The following GLIS3 variants were observed in gnomAD, a reference collection of about 807,000 sequenced individuals.
GLIS3 encodes the protein zinc finger protein GLIS3.
Under a neutral mutation model 78.6 loss-of-function variants are expected in GLIS3, and 53 were observed. The ratio of observed to expected loss-of-function variants is 0.67; its 90% confidence interval spans 0.54 to 0.85. GLIS3 has a LOEUF of 0.85. GLIS3 is among the 40% of genes least tolerant of loss of function. The pLI is 0.00. For missense variants in GLIS3, 1,703 were observed against 1,231.1 expected, an observed-to-expected ratio of 1.38 and a Z score of -5.74; for synonymous variants, 684 against 509.9, an observed-to-expected ratio of 1.34 and a Z score of -4.60.
intron 4 of GLIS3, among the ~76,000 whole-genome samples, chr9:4,045,237 T>C (rs1825145529): frequency 1.3e-5 from 2 of 152,186 alleles, no homozygotes; most frequent in Admixed American, 6.5e-5. Context: ...GACGGTCCCC[T>C]TGCAAATGAA....
At chr9:4,384,148 T>C in the GLIS3 span, among the ~76,000 whole-genome samples, 11,097 of 152,194 alleles carry the variant, frequency 0.073, 1,282 homozygotes, top group African/African-American at 0.25. Context: ...ACACAGATCG[T>C]GCCAATGAGG....
At chr9:3,978,481 A>G (rs1045556402) in intron 4 of GLIS3, among the ~76,000 whole-genome samples, 38 of 152,250 alleles carry the variant, frequency 2.5e-4, no homozygotes, top group African/African-American at 7.9e-4. Flanking sequence ...ATTATTTTCC[A>G]TATCAATAAA....
chr9:3,936,440 G>A (rs1319467967), intron 5 of GLIS3, among the ~76,000 whole-genome samples: 4 of 152,168 alleles, frequency 2.6e-5, no homozygotes, highest in Admixed American at 6.5e-5. Context: ...ATATGTGGCT[G>A]CTAACAGATA....
intron 2 of GLIS3, among the ~76,000 whole-genome samples, chr9:4,169,480 G>A (rs956140819): frequency 1.3e-5 from 2 of 152,156 alleles, no homozygotes; most frequent in African/African-American, 2.4e-5. Flanking sequence ...TTAATGTGCC[G>A]TGTGGCTTTA....
At chr9:3,914,358 G>A (rs1386138598) in intron 6 of GLIS3, among the ~76,000 whole-genome samples, 2 of 142,164 alleles carry the variant, frequency 1.4e-5, no homozygotes, top group African/African-American at 5.3e-5. Context: ...GCAGAGGCAA[G>A]ATCTCACTAT....
intron 2 of GLIS3, among the ~76,000 whole-genome samples, chr9:4,218,429 C>A (rs1821043929): frequency 6.6e-6 from 1 of 152,208 alleles, no homozygotes; most frequent in Non-Finnish European, 1.5e-5. Flanking sequence ...CAGGCACCCG[C>A]CACCACACTC....
At chr9:4,109,940 T>C (rs746798156) in intron 4 of GLIS3, among the ~76,000 whole-genome samples, 1 of 152,236 alleles carries the variant, frequency 6.6e-6, no homozygotes, top group Non-Finnish European at 1.5e-5. Flanking sequence ...GCCCAAACTC[T>C]ACAGGCATAC....
At chr9:4,148,366 G>A (rs936053426) in intron 2 of GLIS3, among the ~76,000 whole-genome samples, 6 of 151,896 alleles carry the variant, frequency 4.0e-5, no homozygotes, top group South Asian at 2.1e-4. Context: ...ACATCCCCAC[G>A]TCCCCATACT....
chr9:4,389,742 T>C, the GLIS3 span, among the ~76,000 whole-genome samples: 3 of 152,176 alleles, frequency 2.0e-5, no homozygotes, highest in Non-Finnish European at 2.9e-5. Context: ...CATACAGACA[T>C]ACAGGTGCCC....
chr9:4,062,698 C>T (rs57190960), intron 4 of GLIS3, among the ~76,000 whole-genome samples: 2,225 of 152,234 alleles, frequency 0.015, 68 homozygotes, highest in African/African-American at 0.051. Flanking sequence ...GAGGCCGAGG[C>T]GGGCGGATCA....
the GLIS3 span, among the ~76,000 whole-genome samples, chr9:4,363,067 G>C: frequency 6.6e-6 from 1 of 152,114 alleles, no homozygotes; most frequent in East Asian, 1.9e-4. Context: ...GTTCCATTAG[G>C]CCCAAGAGAC....
chr9:3,990,110 C>A (rs1035483123), intron 4 of GLIS3, among the ~76,000 whole-genome samples: 5 of 152,196 alleles, frequency 3.3e-5, no homozygotes, highest in Admixed American at 2.6e-4. Flanking sequence ...GGAAATATTA[C>A]TACCACGAAG....
intron 4 of GLIS3, among the ~76,000 whole-genome samples, chr9:4,016,090 C>T (rs1056383449): frequency 7.9e-5 from 12 of 152,074 alleles, no homozygotes; most frequent in African/African-American, 2.9e-4. Flanking sequence ...AGTATTTCTT[C>T]TCTGCATAAG....
At chr9:4,274,148 A>T (rs1826776490) in intron 2 of GLIS3, among the ~76,000 whole-genome samples, 1 of 152,130 alleles carries the variant, frequency 6.6e-6, no homozygotes, top group Admixed American at 6.5e-5. Context: ...CATAGTGGTA[A>T]AGCCTGAACT....
chr9:4,326,054 G>A (rs1206196318), intron 2 of GLIS3, among the ~76,000 whole-genome samples: 1 of 152,120 alleles, frequency 6.6e-6, no homozygotes, highest in Non-Finnish European at 1.5e-5. Flanking sequence ...GGGCCTGTCG[G>A]GGGTGGCAGG....
chr9:4,125,157 A>G (rs1226476809), intron 3 of GLIS3, among the ~76,000 whole-genome samples: 1 of 152,222 alleles, frequency 6.6e-6, no homozygotes, highest in Non-Finnish European at 1.5e-5. Flanking sequence ...ACACAAAAGT[A>G]TGCCTTTCCA....
the GLIS3 span, among the ~76,000 whole-genome samples, chr9:4,355,624 C>G: frequency 1.3e-5 from 2 of 152,136 alleles, no homozygotes; most frequent in African/African-American, 4.8e-5. Context: ...AGCTTTATCA[C>G]CTTTGGAATC....
intron 4 of GLIS3, among the ~76,000 whole-genome samples, chr9:4,025,208 C>T (rs535984384): frequency 2.0e-5 from 3 of 151,398 alleles, no homozygotes; most frequent in Non-Finnish European, 1.5e-5. Context: ...GCCAAGATGG[C>T]GGCACTGCAC....
chr9:3,889,235 C>G (rs1306219936), intron 7 of GLIS3, among the ~76,000 whole-genome samples: 1 of 152,184 alleles, frequency 6.6e-6, no homozygotes, highest in Non-Finnish European at 1.5e-5. Context: ...CCACGTTAGT[C>G]AGTGCTCCCA....
Sources: gnomAD v4.1 joint callset for allele counts (sites outside exome capture counted in the v4.1 genomes callset) on GRCh38, gnomAD v4.1.1 for gene constraint, MANE v1.5 for transcripts, NCBI Gene and HGNC (gene_info 2026-07-23, HGNC 2026-07-21) for gene names.